Variants in ANXA8 observed in about 807,000 individuals in gnomAD.
ANXA8 encodes VAC-beta.
ANXA8 carries 9 observed loss-of-function variants against 26.8 expected under a neutral mutation model. That is an observed-to-expected ratio of 0.34 (90% CI 0.20 to 0.59). The LOEUF is 0.59. ANXA8 is among the 20% of genes least tolerant of loss of function. The probability of loss-of-function intolerance (pLI) is 0.84; values close to 1 mark genes in which losing one functional copy is unlikely to be tolerated. For missense variants in ANXA8, 83 were observed against 238.5 expected (o/e 0.35, Z 4.29); for synonymous variants, 39 against 94.8 (o/e 0.41, Z 3.42).
At chr10:47,658,631 G>A in the ANXA8 span, among the ~76,000 whole-genome samples, 1 of 136,138 alleles carries the variant, frequency 7.3e-6, no homozygotes, top group Non-Finnish European at 1.5e-5. Context: ...TGTATTTGAT[G>A]AGATTTCTAA....
At chr10:47,982,971 A>G in the ANXA8 span, among the ~76,000 whole-genome samples, 1 of 119,918 alleles carries the variant, frequency 8.3e-6, no homozygotes, top group Admixed American at 9.0e-5. Flanking sequence ...CATGATCAAA[A>G]AGCACCTGAA....
the ANXA8 span, among the ~76,000 whole-genome samples, chr10:47,649,575 AT>A: frequency 1.3e-5 from 2 of 151,378 alleles, no homozygotes; most frequent in Admixed American, 1.3e-4. Context: ...CGCCCGGCTA[AT>A]TTTTGTATTA....
chr10:47,678,789 C>T, the ANXA8 span, among the ~76,000 whole-genome samples: 1 of 150,598 alleles, frequency 6.6e-6, no homozygotes, highest in Admixed American at 6.6e-5. Context: ...ACTTGTAATC[C>T]TAGCACTTTG....
the ANXA8 span, chr10:47,491,480 G>C: frequency 1.6e-6 from 1 of 629,266 alleles, no homozygotes; most frequent in South Asian, 2.0e-5. Context: ...CAGGAGACCA[G>C]GGTTCCTGAG....
the ANXA8 span, among the ~76,000 whole-genome samples, chr10:47,941,500 C>T: frequency 6.8e-6 from 1 of 146,846 alleles, no homozygotes; most frequent in Admixed American, 6.7e-5. Flanking sequence ...GCTAAAAATA[C>T]AAAAATTAGC....
the ANXA8 span, among the ~76,000 whole-genome samples, chr10:47,679,264 C>G: frequency 6.6e-6 from 1 of 151,654 alleles, no homozygotes; most frequent in Non-Finnish European, 1.5e-5. Context: ...ACTCTCAGAT[C>G]CAAGAAACTC....
the ANXA8 span, among the ~76,000 whole-genome samples, chr10:47,981,027 C>G: frequency 6.6e-6 from 1 of 151,326 alleles, no homozygotes; most frequent in Admixed American, 6.6e-5. Context: ...CAATATCTTT[C>G]ATGAATATTA....
At chr10:47,984,309 T>A in the ANXA8 span, among the ~76,000 whole-genome samples, 1 of 150,186 alleles carries the variant, frequency 6.7e-6, no homozygotes, top group East Asian at 1.9e-4. Flanking sequence ...CGTGCATTAC[T>A]TTTTTGCCTT....
the ANXA8 span, chr10:47,549,432 A>T: frequency 1.8e-6 from 2 of 1,096,362 alleles, no homozygotes; most frequent in Admixed American, 1.7e-5. Context: ...CCCTGAAAAA[A>T]CTCTAACCAT....
At chr10:47,587,097 G>C in the ANXA8 span, among the ~76,000 whole-genome samples, 2 of 147,618 alleles carry the variant, frequency 1.4e-5, no homozygotes, top group East Asian at 3.9e-4. Flanking sequence ...CCCAGCTAAT[G>C]GGGGGCTGAG....
the ANXA8 span, among the ~76,000 whole-genome samples, chr10:47,748,267 GGC>G: frequency 7.1e-6 from 1 of 141,600 alleles, no homozygotes; most frequent in South Asian, 2.5e-4. Flanking sequence ...GGAGTACGGT[GGC>G]GCGCGATCTC....
chr10:47,907,343 C>T, the ANXA8 span, among the ~76,000 whole-genome samples: 2 of 151,568 alleles, frequency 1.3e-5, no homozygotes, highest in Admixed American at 6.6e-5. Flanking sequence ...GGCGACAGAG[C>T]GAGACTCCGT....
chr10:47,617,711 G>A, the ANXA8 span, among the ~76,000 whole-genome samples: 2 of 147,714 alleles, frequency 1.4e-5, no homozygotes, highest in Non-Finnish European at 3.0e-5. Flanking sequence ...TTGAGTCTAG[G>A]TTTTTTATAA....
At chr10:47,497,313 C>A in the ANXA8 span, among the ~76,000 whole-genome samples, 1 of 76,454 alleles carries the variant, frequency 1.3e-5, no homozygotes, top group Non-Finnish European at 2.2e-5. Flanking sequence ...GAGCAAAAGT[C>A]CATCACAAAA....
chr10:47,554,140 A>AATAC, the ANXA8 span, among the ~76,000 whole-genome samples: 1 of 140,234 alleles, frequency 7.1e-6, no homozygotes, highest in Admixed American at 7.3e-5. Context: ...TAAATAAATA[A>AATAC]ATAAATAAAA....
the ANXA8 span, among the ~76,000 whole-genome samples, chr10:47,772,103 C>G: frequency 6.6e-6 from 1 of 151,502 alleles, no homozygotes; most frequent in South Asian, 2.1e-4. Context: ...TCTTTACTAT[C>G]AAATCAGATA....
At chr10:47,693,574 G>A in the ANXA8 span, among the ~76,000 whole-genome samples, 1 of 151,944 alleles carries the variant, frequency 6.6e-6, no homozygotes, top group Non-Finnish European at 1.5e-5. Context: ...ACAGGCGTGA[G>A]CCACCGCGCC....
chr10:47,707,185 CA>C, the ANXA8 span, among the ~76,000 whole-genome samples: 132 of 135,442 alleles, frequency 9.7e-4, 7 homozygotes, highest in Admixed American at 3.0e-3. Flanking sequence ...CAAAAAAAAA[CA>C]AAAAAAAGAG....
At chr10:47,741,024 A>AT in the ANXA8 span, among the ~76,000 whole-genome samples, 1 of 150,880 alleles carries the variant, frequency 6.6e-6, no homozygotes. Context: ...GATGTCAGTC[A>AT]TTTTCACTGT....
Sources: gnomAD v4.1 joint callset for allele counts (sites outside exome capture counted in the v4.1 genomes callset) on GRCh38, gnomAD v4.1.1 for gene constraint, MANE v1.5 for transcripts, NCBI Gene and HGNC (gene_info 2026-07-23, HGNC 2026-07-21) for gene names.